The following NOL4 variants were observed in gnomAD, a reference collection of about 807,000 sequenced individuals.
The protein encoded by NOL4 is cancer/testis antigen 125.
Under a neutral mutation model 75.9 loss-of-function variants are expected in NOL4, and 17 were observed. That is an observed-to-expected ratio of 0.22 (90% CI 0.15 to 0.34). NOL4 has a LOEUF of 0.34. Ranked by LOEUF, NOL4 falls within the 10% of genes least tolerant of loss-of-function variation. The pLI is 1.00. For synonymous variants in NOL4, 292 were observed against 289.9 expected, an observed-to-expected ratio of 1.01 and a Z score of -0.07; for missense variants, 614 against 793.5, an observed-to-expected ratio of 0.77 and a Z score of 2.72.
At chr18:34,187,376 T>A (rs1035618021) in intron 1 of NOL4, among the ~76,000 whole-genome samples, 19 of 85,240 alleles carry the variant, frequency 2.2e-4, no homozygotes, top group Non-Finnish European at 5.0e-4. Flanking sequence ...ACTTCTTTTT[T>A]TTTTTTTTTT....
intron 9 of NOL4, 21 bp from the exon 10 acceptor site, chr18:33,883,445 C>A: frequency 6.3e-7 from 1 of 1,584,088 alleles, no homozygotes; most frequent in Non-Finnish European, 8.6e-7. Context: ...AGACAGCATT[C>A]CATTATTTAT....
intron 6 of NOL4, among the ~76,000 whole-genome samples, chr18:34,018,943 C>T (rs760886892): frequency 1.3e-5 from 2 of 152,062 alleles, no homozygotes; most frequent in African/African-American, 4.8e-5. Flanking sequence ...TACACCTATC[C>T]ATCTAGGAGA....
chr18:33,914,925 G>A (rs1313523060), intron 9 of NOL4, among the ~76,000 whole-genome samples: 1 of 152,052 alleles, frequency 6.6e-6, no homozygotes, highest in African/African-American at 2.4e-5. Flanking sequence ...ATCAATTTGT[G>A]AGTCATCACA....
intron 9 of NOL4, among the ~76,000 whole-genome samples, chr18:33,910,872 A>G (rs756014811): frequency 6.6e-6 from 1 of 152,142 alleles, no homozygotes; most frequent in Admixed American, 6.6e-5. Context: ...TGTCAAATAT[A>G]TTAGGTGTTG....
chr18:33,985,234 G>T (rs914306850), intron 6 of NOL4, among the ~76,000 whole-genome samples: 22 of 152,126 alleles, frequency 1.4e-4, no homozygotes, highest in Non-Finnish European at 3.1e-4. Context: ...TACCACAGTT[G>T]TAAAATCTCA....
At chr18:34,015,098 T>A (rs2074606939) in intron 6 of NOL4, among the ~76,000 whole-genome samples, 1 of 151,990 alleles carries the variant, frequency 6.6e-6, no homozygotes, top group Non-Finnish European at 1.5e-5. Flanking sequence ...TACAAAAGAT[T>A]GCACAGATTG....
At chr18:33,948,588 T>A (rs1225705650) in intron 8 of NOL4, among the ~76,000 whole-genome samples, 1 of 152,004 alleles carries the variant, frequency 6.6e-6, no homozygotes, top group East Asian at 1.9e-4. Context: ...TGAGTCTCAG[T>A]CATCCTGCTA....
intron 10 of NOL4, among the ~76,000 whole-genome samples, chr18:33,868,848 A>G (rs2063557244): frequency 6.6e-6 from 1 of 152,076 alleles, no homozygotes; most frequent in Non-Finnish European, 1.5e-5. Context: ...CTAGTAATTA[A>G]CAATGAAATT....
intron 9 of NOL4, among the ~76,000 whole-genome samples, chr18:33,922,609 T>C (rs887063125): frequency 6.6e-6 from 1 of 152,216 alleles, no homozygotes; most frequent in Admixed American, 6.5e-5. Context: ...ACAAATTGTC[T>C]TTAATTTTTT....
intron 6 of NOL4, among the ~76,000 whole-genome samples, chr18:33,970,595 G>T (rs978859813): frequency 2.6e-5 from 4 of 152,216 alleles, no homozygotes; most frequent in Admixed American, 2.6e-4. Flanking sequence ...AAAATTAAAA[G>T]TTTTAAACTG....
chr18:34,117,671 C>T (rs565531094), intron 2 of NOL4, among the ~76,000 whole-genome samples: 1 of 152,266 alleles, frequency 6.6e-6, no homozygotes, highest in East Asian at 1.9e-4. Flanking sequence ...AAAATGATGG[C>T]TTTGTGACAA....
At chr18:33,977,514 C>T (rs1224205185) in intron 6 of NOL4, among the ~76,000 whole-genome samples, 1 of 152,110 alleles carries the variant, frequency 6.6e-6, no homozygotes, top group Non-Finnish European at 1.5e-5. Flanking sequence ...GATTGTGAGG[C>T]CTTCCCAGCC....
intron 1 of NOL4, among the ~76,000 whole-genome samples, chr18:34,203,015 C>A (rs1163531091): frequency 6.6e-6 from 1 of 152,070 alleles, no homozygotes; most frequent in South Asian, 2.1e-4. Context: ...TGTGTAACAG[C>A]CCAAAGCTGA....
intron 5 of NOL4, chr18:34,023,563 G>C (rs1600287344): frequency 2.2e-6 from 1 of 448,522 alleles, no homozygotes; most frequent in African/African-American, 2.0e-5. Context: ...TTCAGCCTGG[G>C]TACCATAGCA....
At chr18:33,913,407 T>C (rs1446826362) in intron 9 of NOL4, among the ~76,000 whole-genome samples, 5 of 152,188 alleles carry the variant, frequency 3.3e-5, no homozygotes, top group Admixed American at 2.0e-4. Context: ...AGTGTTTGGA[T>C]GTCGTCATTC....
At chr18:33,902,774 G>A (rs752788572) in intron 9 of NOL4, among the ~76,000 whole-genome samples, 64 of 151,780 alleles carry the variant, frequency 4.2e-4, no homozygotes, top group Admixed American at 1.3e-3. Context: ...TGCCTTTTTC[G>A]TAACTGGCCT....
At chr18:33,896,533 AG>A in intron 9 of NOL4, among the ~76,000 whole-genome samples, 1 of 152,242 alleles carries the variant, frequency 6.6e-6, no homozygotes, top group East Asian at 1.9e-4. Flanking sequence ...AATGAGGAAA[AG>A]ATTTCCTATT....
At chr18:34,086,137 C>T (rs2145454694) in intron 5 of NOL4, among the ~76,000 whole-genome samples, 1 of 152,070 alleles carries the variant, frequency 6.6e-6, no homozygotes, top group Non-Finnish European at 1.5e-5. Flanking sequence ...TTTAATAATG[C>T]ATTAAAACAA....
chr18:33,948,074 CAAA>C (rs964724624), intron 8 of NOL4, among the ~76,000 whole-genome samples: 2 of 151,758 alleles, frequency 1.3e-5, no homozygotes, highest in African/African-American at 4.8e-5. Flanking sequence ...TTTGCAATTA[CAAA>C]AAAGTACAAA....
Sources: gnomAD v4.1 joint callset for allele counts (sites outside exome capture counted in the v4.1 genomes callset) on GRCh38, gnomAD v4.1.1 for gene constraint, MANE v1.5 for transcripts, NCBI Gene and HGNC (gene_info 2026-07-23, HGNC 2026-07-21) for gene names.